Variants in DNAH14 observed in about 807,000 individuals in gnomAD.
DNAH14 encodes dynein axonemal heavy chain 14, also known as axonemal beta dynein heavy chain 14.
DNAH14 carries 478 observed loss-of-function variants against 520.9 expected under a neutral mutation model. The observed-to-expected ratio is 0.92, with a 90% CI of 0.85 to 0.99. The LOEUF (loss-of-function observed/expected upper bound fraction) is 0.99, where lower values mean the gene tolerates loss of function less well. DNAH14 is among the 50% of genes least tolerant of loss of function. The probability of loss-of-function intolerance (pLI) is 0.00; values close to 1 mark genes in which losing one functional copy is unlikely to be tolerated. For synonymous variants in DNAH14, 1,581 were observed against 1,757.2 expected (o/e 0.90, Z 2.51); for missense variants, 4,831 against 5,234.5 (o/e 0.92, Z 2.38).
At chr1:225,049,171 G>T (rs2068258635) in intron 15 of DNAH14, among the ~76,000 whole-genome samples, 1 of 139,982 alleles carries the variant, frequency 7.1e-6, no homozygotes, top group African/African-American at 2.7e-5. Context: ...GCAATTCTCT[G>T]CTTCAACCTC....
At chr1:225,191,283 T>C (rs909191317) in intron 37 of DNAH14, among the ~76,000 whole-genome samples, 3 of 152,024 alleles carry the variant, frequency 2.0e-5, no homozygotes, top group Non-Finnish European at 4.4e-5. Context: ...ATTTAGCTTC[T>C]GTTTATCTGA....
At chr1:225,292,496 C>G (rs1055085907) in intron 55 of DNAH14, among the ~76,000 whole-genome samples, 1 of 152,090 alleles carries the variant, frequency 6.6e-6, no homozygotes, top group Non-Finnish European at 1.5e-5. Flanking sequence ...GTTTTGGTTA[C>G]TATAGCTTTG....
At chr1:225,214,168 T>C (rs2088906385) in intron 41 of DNAH14, among the ~76,000 whole-genome samples, 1 of 152,136 alleles carries the variant, frequency 6.6e-6, no homozygotes, top group African/African-American at 2.4e-5. Flanking sequence ...GAGATAATCA[T>C]GTGGTTTTTG....
Position 225,007,437 on chromosome 1 carries a change from C to G in DNAH14, c.1000C>G (p.Leu334Val). The G allele has an allele frequency of 1.3e-6, 2 of 1,538,572 alleles. No individual in the cohort carries two copies. Among genetic ancestry groups the G allele is most frequent in the Non-Finnish European group, 1.8e-6 (2 of 1,139,642 alleles). The change falls in exon 10 of 86, where the codon CTA becomes GTA. Residue 334 changes from leucine to valine, a missense_variant. Leu to Val is a conservative substitution (Grantham distance 32, BLOSUM62 1). Transcript: ENST00000682510. The part of the protein sequence containing the change: ...VKLDSSRTYS[L>V]DEFCEEQLQQ... ...GCTGGATAGTTCTCGAACATATTCT[C>G]TAGATGAATTTTGTGAAGAGCAGTT...
At chr1:225,310,088 C>T (rs1011946878) in intron 60 of DNAH14, among the ~76,000 whole-genome samples, 52 of 151,008 alleles carry the variant, frequency 3.4e-4, no homozygotes, top group Admixed American at 7.2e-4. Flanking sequence ...AATAAGAGTA[C>T]GGCTTAATTT....
At chr1:225,181,894 A>G (rs907572961) in intron 36 of DNAH14, among the ~76,000 whole-genome samples, 3 of 152,208 alleles carry the variant, frequency 2.0e-5, no homozygotes, top group Admixed American at 1.3e-4. Flanking sequence ...AATAAAATAT[A>G]GAATAAATCA....
intron 20 of DNAH14, among the ~76,000 whole-genome samples, chr1:225,083,602 CTG>C (rs554942664): frequency 1.1e-3 from 174 of 152,246 alleles, no homozygotes; most frequent in African/African-American, 4.0e-3. Flanking sequence ...TGCTCTTCCT[CTG>C]TGTTTCTTAT....
chr1:225,224,902 C>T (rs1427165655), intron 41 of DNAH14, among the ~76,000 whole-genome samples: 1 of 152,132 alleles, frequency 6.6e-6, no homozygotes, highest in Non-Finnish European at 1.5e-5. Flanking sequence ...TCATTAAGTC[C>T]ACTCTCAAGC....
At chr1:225,308,825 A>G (rs1007072578) in intron 60 of DNAH14, among the ~76,000 whole-genome samples, 1 of 152,174 alleles carries the variant, frequency 6.6e-6, no homozygotes, top group African/African-American at 2.4e-5. Flanking sequence ...TCTCCTCCAT[A>G]CATTCCAGTC....
chr1:225,089,476 G>GAA (rs2074164336), intron 21 of DNAH14, among the ~76,000 whole-genome samples: 2 of 128,864 alleles, frequency 1.6e-5, no homozygotes, highest in Non-Finnish European at 3.3e-5. Flanking sequence ...GAGAGCGAGA[G>GAA]AAAGAAAAGA....
chr1:224,995,554 C>A (rs1015653357), intron 8 of DNAH14, among the ~76,000 whole-genome samples: 15 of 151,968 alleles, frequency 9.9e-5, no homozygotes, highest in Non-Finnish European at 1.5e-4. Context: ...AATTGGAGAT[C>A]TCTGCACTTC....
chr1:225,101,770 C>G (rs1377390167), intron 23 of DNAH14, among the ~76,000 whole-genome samples: 1 of 152,084 alleles, frequency 6.6e-6, no homozygotes, highest in African/African-American at 2.4e-5. Flanking sequence ...TTTACAGACA[C>G]TTGGGTTGCT....
intron 10 of DNAH14, among the ~76,000 whole-genome samples, chr1:225,022,722 C>T (rs185798536): frequency 6.6e-6 from 1 of 152,288 alleles, no homozygotes; most frequent in Admixed American, 6.5e-5. Context: ...TACCATTCAA[C>T]TCAGCAATCC....
At chr1:224,980,922 T>C (rs2062220936) in intron 8 of DNAH14, among the ~76,000 whole-genome samples, 1 of 152,184 alleles carries the variant, frequency 6.6e-6, no homozygotes, top group Non-Finnish European at 1.5e-5. Context: ...CAAACCACCA[T>C]GGCACGTGTA....
intron 43 of DNAH14, among the ~76,000 whole-genome samples, chr1:225,247,242 G>A (rs534989312): frequency 1.3e-5 from 2 of 152,180 alleles, no homozygotes; most frequent in South Asian, 4.2e-4. Context: ...GGGGGCAAGG[G>A]GAGGGAGAGC....
chr1:225,120,152 G>T (rs2077176195), intron 26 of DNAH14, among the ~76,000 whole-genome samples: 1 of 152,144 alleles, frequency 6.6e-6, no homozygotes, highest in African/African-American at 2.4e-5. Flanking sequence ...AGGATAATTT[G>T]GCAGGTAGGG....
At chr1:225,170,303 C>T (rs1246820556) in intron 36 of DNAH14, among the ~76,000 whole-genome samples, 1 of 152,094 alleles carries the variant, frequency 6.6e-6, no homozygotes. Flanking sequence ...CTGAATGCTC[C>T]AATTAAAAGA....
intron 7 of DNAH14, chr1:224,969,226 A>G (rs989393345): frequency 1.6e-5 from 3 of 190,448 alleles, no homozygotes; most frequent in African/African-American, 2.4e-5. Flanking sequence ...GTCTCTTTGG[A>G]TAAATATTGT....
intron 72 of DNAH14, 37 bp downstream of exon 72, chr1:225,351,920 A>G: frequency 6.9e-7 from 1 of 1,454,870 alleles, no homozygotes; most frequent in Non-Finnish European, 9.3e-7. Context: ...TAACTTAAGT[A>G]TGTGTGTATG....
Sources: allele counts gnomAD v4.1 joint callset (sites outside exome capture counted in the v4.1 genomes callset), GRCh38; gene constraint gnomAD v4.1.1; transcripts MANE v1.5; gene names NCBI Gene and HGNC (gene_info 2026-07-23, HGNC 2026-07-21).